Variants in LRRC4C observed in about 807,000 individuals in gnomAD.
LRRC4C encodes leucine rich repeat containing 4C.
Under a neutral mutation model 33.6 loss-of-function variants are expected in LRRC4C, and 5 were observed. That is an observed-to-expected ratio of 0.15 (90% CI 0.08 to 0.31). The LOEUF (loss-of-function observed/expected upper bound fraction) is 0.31, where lower values mean the gene tolerates loss of function less well. Among genes scored for constraint, LRRC4C ranks in the 10% least tolerant of loss-of-function variants. LRRC4C has a pLI of 1.00. For synonymous variants in LRRC4C, 329 were observed against 302.0 expected (o/e 1.09, Z -0.93); for missense variants, 560 against 796.7 (o/e 0.70, Z 3.58).
At chr11:40,924,770 C>A (rs916090275) in intron 2 of LRRC4C, among the ~76,000 whole-genome samples, 3 of 151,914 alleles carry the variant, frequency 2.0e-5, no homozygotes, top group Non-Finnish European at 1.5e-5. Flanking sequence ...TAAATGTGTA[C>A]AATTATGGAT....
intron 1 of LRRC4C, among the ~76,000 whole-genome samples, chr11:41,188,166 C>A (rs1945779774): frequency 6.6e-6 from 1 of 152,176 alleles, no homozygotes; most frequent in Non-Finnish European, 1.5e-5. Flanking sequence ...ACCCAACACA[C>A]AAACACAGAC....
chr11:40,983,271 T>C (rs1314904674), intron 1 of LRRC4C, among the ~76,000 whole-genome samples: 1 of 152,222 alleles, frequency 6.6e-6, no homozygotes, highest in Non-Finnish European at 1.5e-5. Context: ...GTTGAACTAA[T>C]TTACGCACGA....
chr11:41,164,432 T>C (rs550869963), intron 1 of LRRC4C, among the ~76,000 whole-genome samples: 1 of 152,258 alleles, frequency 6.6e-6, no homozygotes, highest in South Asian at 2.1e-4. Context: ...TACCTTTTTT[T>C]TACATAAGTA....
At chr11:40,613,136 A>G (rs1961403538) in intron 3 of LRRC4C, among the ~76,000 whole-genome samples, 1 of 151,806 alleles carries the variant, frequency 6.6e-6, no homozygotes, top group South Asian at 2.1e-4. Context: ...CCTGTTTCTC[A>G]AAATAGGAAA....
At chr11:41,276,915 C>G (rs1299639216) in intron 1 of LRRC4C, among the ~76,000 whole-genome samples, 1 of 152,148 alleles carries the variant, frequency 6.6e-6, no homozygotes, top group Non-Finnish European at 1.5e-5. Context: ...TTACTGACAT[C>G]CTAGTTATAG....
chr11:40,716,617 T>A (rs573738755), intron 2 of LRRC4C, among the ~76,000 whole-genome samples: 6 of 152,224 alleles, frequency 3.9e-5, no homozygotes, highest in Non-Finnish European at 7.4e-5. Context: ...AGTCAGCATA[T>A]AAAGAAAAGC....
chr11:40,150,988 A>T (rs1031002244), intron 5 of LRRC4C, among the ~76,000 whole-genome samples: 6 of 152,186 alleles, frequency 3.9e-5, no homozygotes, highest in South Asian at 2.1e-4. Context: ...CCTAAATGTC[A>T]TCTGCTTCTG....
At chr11:40,766,088 A>G (rs1377550029) in intron 2 of LRRC4C, among the ~76,000 whole-genome samples, 4 of 151,596 alleles carry the variant, frequency 2.6e-5, no homozygotes, top group Non-Finnish European at 5.9e-5. Context: ...AGCAAGAAAA[A>G]AAAAAAAACA....
At chr11:40,945,991 T>C (rs909370218) in intron 1 of LRRC4C, among the ~76,000 whole-genome samples, 26 of 152,334 alleles carry the variant, frequency 1.7e-4, no homozygotes, top group African/African-American at 5.1e-4. Context: ...TATATTTGTA[T>C]ATTGCATAAT....
intron 2 of LRRC4C, among the ~76,000 whole-genome samples, chr11:40,931,235 A>C (rs1957606472): frequency 6.6e-6 from 1 of 152,198 alleles, no homozygotes; most frequent in African/African-American, 2.4e-5. Context: ...TGGAATAATT[A>C]TTAAATCTCT....
At chr11:40,631,382 GC>G (rs2136019933) in intron 3 of LRRC4C, among the ~76,000 whole-genome samples, 1 of 152,242 alleles carries the variant, frequency 6.6e-6, no homozygotes, top group South Asian at 2.1e-4. Context: ...CCCAGTAATT[GC>G]CAGATATGTT....
intron 1 of LRRC4C, among the ~76,000 whole-genome samples, chr11:41,273,875 T>C (rs1000772255): frequency 4.6e-5 from 7 of 152,148 alleles, no homozygotes; most frequent in Admixed American, 4.6e-4. Flanking sequence ...ACATTAAATA[T>C]GTGCATTTTC....
chr11:40,628,773 T>C (rs570006879), intron 3 of LRRC4C, among the ~76,000 whole-genome samples: 2 of 152,210 alleles, frequency 1.3e-5, no homozygotes, highest in Non-Finnish European at 1.5e-5. Context: ...AGATTTTTAA[T>C]AAGGAAAATA....
chr11:40,786,936 G>C (rs1950435562), intron 2 of LRRC4C, among the ~76,000 whole-genome samples: 1 of 151,876 alleles, frequency 6.6e-6, no homozygotes, highest in African/African-American at 2.4e-5. Context: ...AGTAGGTCTT[G>C]GTCAAGGTTT....
intron 2 of LRRC4C, among the ~76,000 whole-genome samples, chr11:40,665,752 G>A (rs1010345013): frequency 2.6e-5 from 4 of 151,898 alleles, no homozygotes; most frequent in South Asian, 2.1e-4. Flanking sequence ...TCCTATAACC[G>A]TTCTGCTATT....
At chr11:41,291,812 G>T (rs910436480) in intron 1 of LRRC4C, among the ~76,000 whole-genome samples, 4 of 152,116 alleles carry the variant, frequency 2.6e-5, no homozygotes, top group Admixed American at 6.6e-5. Flanking sequence ...AAGGAGGAGA[G>T]AATTATAATT....
intron 1 of LRRC4C, among the ~76,000 whole-genome samples, chr11:40,967,784 A>G (rs1851462072): frequency 6.6e-6 from 1 of 151,816 alleles, no homozygotes; most frequent in Admixed American, 6.6e-5. Context: ...ATATTGAAAT[A>G]AGATTTCAAT....
At chr11:40,242,436 G>T (rs2136104166) in intron 4 of LRRC4C, among the ~76,000 whole-genome samples, 1 of 152,218 alleles carries the variant, frequency 6.6e-6, no homozygotes, top group East Asian at 1.9e-4. Flanking sequence ...CTTTCTAGCA[G>T]AAAATCAGAA....
chr11:40,735,916 T>G (rs1947840930), intron 2 of LRRC4C, among the ~76,000 whole-genome samples: 1 of 151,768 alleles, frequency 6.6e-6, no homozygotes, highest in African/African-American at 2.4e-5. Flanking sequence ...CCAGTGATGG[T>G]GAGCATTTTT....
Sources: gnomAD v4.1 joint callset for allele counts (sites outside exome capture counted in the v4.1 genomes callset) on GRCh38, gnomAD v4.1.1 for gene constraint, MANE v1.5 for transcripts, NCBI Gene and HGNC (gene_info 2026-07-23, HGNC 2026-07-21) for gene names.